The following G3BP2 variants were observed in gnomAD, a reference collection of about 807,000 sequenced individuals.
G3BP2 encodes the protein ras GTPase-activating protein-binding protein 2.
In G3BP2, 11 loss-of-function variants were observed where a neutral mutation model predicts 56.7. That is an observed-to-expected ratio of 0.19 (90% CI 0.12 to 0.32). The LOEUF (loss-of-function observed/expected upper bound fraction) is 0.32, where lower values mean the gene tolerates loss of function less well. G3BP2 is among the 10% of genes least tolerant of loss of function. The probability of loss-of-function intolerance (pLI) is 1.00; values close to 1 mark genes in which losing one functional copy is unlikely to be tolerated. For synonymous variants in G3BP2, 165 were observed against 191.6 expected (o/e 0.86, Z 1.15); for missense variants, 340 against 610.9 (o/e 0.56, Z 4.67).
chr4:75,703,766 G>T (rs1301097399), intron 3 of G3BP2, among the ~76,000 whole-genome samples: 1 of 152,156 alleles, frequency 6.6e-6, no homozygotes, highest in African/African-American at 2.4e-5. Context: ...GATGGAAAAT[G>T]ATCCTGAGCT....
chr4:75,681,924 A>G (rs1203846489), intron 3 of G3BP2, among the ~76,000 whole-genome samples: 2 of 152,132 alleles, frequency 1.3e-5, no homozygotes, highest in East Asian at 3.9e-4. Flanking sequence ...TTATTAAGTA[A>G]AGTAAGGGTT....
chr4:75,647,313 G>C (rs1474591750), intron 9 of G3BP2, among the ~76,000 whole-genome samples, 156 bp from the exon 10 acceptor site: 1 of 152,176 alleles, frequency 6.6e-6, no homozygotes, highest in African/African-American at 2.4e-5. Flanking sequence ...CTTATTACTA[G>C]TAGGTTAGAA....
chr4:75,692,705 T>C (rs766024166), intron 3 of G3BP2, among the ~76,000 whole-genome samples: 1 of 152,172 alleles, frequency 6.6e-6, no homozygotes, highest in African/African-American at 2.4e-5. Flanking sequence ...CATTGTATCT[T>C]TATGAAGTAG....
intron 3 of G3BP2, among the ~76,000 whole-genome samples, chr4:75,696,375 T>A (rs1487643673): frequency 6.6e-6 from 1 of 152,164 alleles, no homozygotes; most frequent in Non-Finnish European, 1.5e-5. Context: ...ATCACCTGGA[T>A]CACCTAGTCT....
At chr4:75,658,422 T>A (rs1732274742) in intron 3 of G3BP2, among the ~76,000 whole-genome samples, 2 of 145,370 alleles carry the variant, frequency 1.4e-5, no homozygotes, top group Admixed American at 6.9e-5. Flanking sequence ...CCAATAACAA[T>A]CATATTGGGG....
chr4:75,650,426 C>CAAAAAAAAAAAAAAAAAAAA (rs1220235661), intron 8 of G3BP2, among the ~76,000 whole-genome samples: 1 of 76,770 alleles, frequency 1.3e-5, no homozygotes, highest in African/African-American at 6.0e-5. Context: ...AACTCCATCT[C>CAAAAAAAAAAAAAAAAAAAA]AAAAAAAAAA....
In G3BP2 at chr4:75,647,131, A is replaced by G. The variant is rs141113434; in HGVS notation, c.955T>C (p.Ser319Pro). 6.9e-6 allele frequency: 11 copies of G among 1,601,102 alleles called. No individual in the cohort carries two copies. In the African/African-American group the frequency reaches 1.3e-4, roughly 19 times the overall value. ...PGRGDMEQNDSDNRRIIRYPD... is the reference protein window; with the variant it reads ...PGRGDMEQNDPDNRRIIRYPD... ...TAGCGAATTATTCTACGGTTGTCAG[A>G]GTCATTCTGTTCCATATCTCCTCTG... The change falls in exon 10 of 12, where the codon TCT becomes CCT. Residue 319 changes from serine (S) to proline (P), a missense_variant. Coordinates refer to ENST00000359707, the MANE Select transcript of G3BP2 (RefSeq NM_203505.3).
intron 3 of G3BP2, among the ~76,000 whole-genome samples, chr4:75,711,188 G>A (rs1443700603): frequency 6.6e-6 from 1 of 151,426 alleles, no homozygotes; most frequent in East Asian, 2.0e-4. Context: ...GCATGATGGC[G>A]GGTGCCTGTA....
chr4:75,686,080 C>G (rs1164864201), intron 3 of G3BP2, among the ~76,000 whole-genome samples: 1 of 152,166 alleles, frequency 6.6e-6, no homozygotes, highest in African/African-American at 2.4e-5. Context: ...ATTTGCTCAG[C>G]ACTAACAGTG....
intron 6 of G3BP2, 57 bp downstream of exon 6, chr4:75,655,711 A>C: frequency 1.1e-6 from 1 of 890,644 alleles, no homozygotes; most frequent in Non-Finnish European, 1.9e-6. Context: ...CTAGGAACAG[A>C]AACCACCTTG....
intron 3 of G3BP2, among the ~76,000 whole-genome samples, chr4:75,693,086 A>T (rs1473077026): frequency 6.6e-6 from 1 of 152,082 alleles, no homozygotes; most frequent in Non-Finnish European, 1.5e-5. Context: ...TCTACTAAAA[A>T]TACAAAAATT....
At chr4:75,682,861 G>A (rs1734134263) in intron 3 of G3BP2, among the ~76,000 whole-genome samples, 1 of 151,996 alleles carries the variant, frequency 6.6e-6, no homozygotes, top group African/African-American at 2.4e-5. Context: ...ACGTGTGCCT[G>A]TAATCCTAGC....
chr4:75,701,663 G>C (rs1719350468), intron 3 of G3BP2, among the ~76,000 whole-genome samples: 1 of 152,102 alleles, frequency 6.6e-6, no homozygotes, highest in Non-Finnish European at 1.5e-5. Context: ...CCTGACCTCA[G>C]GTGATCCGCC....
chr4:75,649,567 C>A (rs1220567831), intron 8 of G3BP2, among the ~76,000 whole-genome samples: 1 of 152,146 alleles, frequency 6.6e-6, no homozygotes, highest in Non-Finnish European at 1.5e-5. Context: ...TTCCTCAAGA[C>A]AACAGCATTT....
At chr4:75,673,544 G>A (rs1733694906), upstream of G3BP2, 2 of 1,232,130 alleles carry the variant, frequency 1.6e-6, no homozygotes, top group Non-Finnish European at 2.0e-6. Flanking sequence ...GTCCCTCTGC[G>A]GAGCACGCGC....
At chr4:75,711,516 C>T (rs145914289) in intron 3 of G3BP2, among the ~76,000 whole-genome samples, 3,566 of 151,960 alleles carry the variant, frequency 0.023, 125 homozygotes, top group African/African-American at 0.081. Flanking sequence ...AGTTTGAGAC[C>T]AGCCTGGCCA....
In G3BP2 at chr4:75,645,345, C is replaced by G; in HGVS notation, c.*85G>C. The G allele has an allele frequency of 7.8e-7, 1 of 1,280,112 alleles. No homozygotes were observed. The highest frequency in any genetic ancestry group is 2.3e-5 in the East Asian group (1 of 42,754). 79.3% of individuals were successfully genotyped at this position (1,280,112 alleles called of 1,614,324 possible). ...AGAAATGATCAAAAAGGCTGTGTCACATTCCAAAGCCAAAAAAAAAATTAA... is the reference window on the plus strand; with the variant it reads ...AGAAATGATCAAAAAGGCTGTGTCAGATTCCAAAGCCAAAAAAAAAATTAA... On this transcript the variant is annotated 3_prime_UTR_variant, in exon 12 of 12. Coordinates refer to ENST00000359707, the MANE Select transcript of G3BP2 (RefSeq NM_203505.3).
At chr4:75,667,331 T>C (rs186509927) in intron 1 of G3BP2, among the ~76,000 whole-genome samples, 1 of 151,260 alleles carries the variant, frequency 6.6e-6, no homozygotes, top group Non-Finnish European at 1.5e-5. Flanking sequence ...AGGATACTTA[T>C]ACACAAAAAG....
chr4:75,680,748 C>G (rs917301890), intron 3 of G3BP2, among the ~76,000 whole-genome samples: 1 of 151,988 alleles, frequency 6.6e-6, no homozygotes, highest in Non-Finnish European at 1.5e-5. Context: ...GGGCGGATCG[C>G]GAGGTCAAGA....
Sources: allele counts gnomAD v4.1 joint callset (sites outside exome capture counted in the v4.1 genomes callset), GRCh38; gene constraint gnomAD v4.1.1; transcripts MANE v1.5; gene names NCBI Gene and HGNC (gene_info 2026-07-23, HGNC 2026-07-21).